The following RALGPS1 variants were observed in gnomAD, a reference collection of about 807,000 sequenced individuals.
RALGPS1 encodes Ral GEF with PH domain and SH3 binding motif 1, also known as ras-specific guanine nucleotide-releasing factor RalGPS1.
RALGPS1 carries 19 observed loss-of-function variants against 78.8 expected under a neutral mutation model. That is an observed-to-expected ratio of 0.24 (90% CI 0.17 to 0.35). The LOEUF is 0.35. RALGPS1 is among the 10% of genes least tolerant of loss of function. The pLI, the probability that RALGPS1 is intolerant of heterozygous loss-of-function variation, is 1.00. For missense variants in RALGPS1, 454 were observed against 688.3 expected (o/e 0.66, Z 3.81); for synonymous variants, 228 against 256.3 (o/e 0.89, Z 1.06).
chr9:127,178,579 C>T (rs147754096), intron 11 of RALGPS1: 6 of 809,806 alleles, frequency 7.4e-6, no homozygotes, highest in South Asian at 5.6e-5. Flanking sequence ...ATCACTGCCT[C>T]GGGGAAGCCT....
chr9:126,924,128 G>A (rs2035035147), intron 1 of RALGPS1, among the ~76,000 whole-genome samples: 1 of 152,196 alleles, frequency 6.6e-6, no homozygotes, highest in Non-Finnish European at 1.5e-5. Context: ...CAAATCCCAT[G>A]AACTGGAACA....
At chr9:127,093,620 TG>T in intron 8 of RALGPS1, 1 of 1,329,908 alleles carries the variant, frequency 7.5e-7, no homozygotes, top group Non-Finnish European at 1.0e-6. Flanking sequence ...CGCACAGGCC[TG>T]GGCTTGGTCA....
At chr9:127,054,996 TGAGAGAGAGAGAGAGAGAGAGAGAGAGA>T (rs10555826) in intron 7 of RALGPS1, among the ~76,000 whole-genome samples, 6 of 139,114 alleles carry the variant, frequency 4.3e-5, no homozygotes, top group African/African-American at 1.7e-4. Context: ...AGAGATTGAT[TGAGAGAGAGAGAGAGAGAGAGAGAGAGA>T]GAGAGAGAGA....
intron 7 of RALGPS1, among the ~76,000 whole-genome samples, chr9:127,063,987 A>G (rs1361744698): frequency 6.6e-6 from 1 of 152,238 alleles, no homozygotes; most frequent in Non-Finnish European, 1.5e-5. Context: ...TGCAGGGAAC[A>G]GTAGAGTGGA....
At chr9:127,084,218 G>C (rs1411950198) in intron 8 of RALGPS1, among the ~76,000 whole-genome samples, 1 of 152,122 alleles carries the variant, frequency 6.6e-6, no homozygotes, top group Non-Finnish European at 1.5e-5. Flanking sequence ...CACAGCACCT[G>C]GCTGACACGC....
At chr9:127,117,152 C>T in intron 8 of RALGPS1, among the ~76,000 whole-genome samples, 1 of 152,246 alleles carries the variant, frequency 6.6e-6, no homozygotes, top group Non-Finnish European at 1.5e-5. Context: ...TGGCTGATGC[C>T]TGCCTGTCTT....
chr9:127,013,419 G>A (rs558305164), intron 4 of RALGPS1, among the ~76,000 whole-genome samples: 3 of 152,072 alleles, frequency 2.0e-5, no homozygotes, highest in South Asian at 2.1e-4. Context: ...GCTGTGGTAC[G>A]CACCCCTGGA....
intron 8 of RALGPS1, among the ~76,000 whole-genome samples, chr9:127,107,535 G>T (rs548838123): frequency 5.9e-5 from 9 of 152,254 alleles, no homozygotes; most frequent in Non-Finnish European, 8.8e-5. Flanking sequence ...ATTTACAGAA[G>T]GCCAACCCTG....
intron 8 of RALGPS1, among the ~76,000 whole-genome samples, chr9:127,148,857 G>A (rs903775033): frequency 6.6e-6 from 1 of 152,248 alleles, no homozygotes; most frequent in Admixed American, 6.5e-5. Context: ...GGAACAGAAT[G>A]TGGGGATGGC....
intron 1 of RALGPS1, among the ~76,000 whole-genome samples, chr9:126,927,036 TG>T (rs1473678172): frequency 6.6e-6 from 1 of 152,172 alleles, no homozygotes; most frequent in Non-Finnish European, 1.5e-5. Flanking sequence ...ACTTGGTGAC[TG>T]GCCTGCTAAT....
At chr9:126,999,077 T>G in intron 4 of RALGPS1, among the ~76,000 whole-genome samples, 1 of 147,086 alleles carries the variant, frequency 6.8e-6, no homozygotes, top group Non-Finnish European at 1.5e-5. Context: ...AAATGACGAG[T>G]TAATGGGTGC....
At chr9:127,098,295 C>T (rs779104631) in intron 8 of RALGPS1, among the ~76,000 whole-genome samples, 6 of 152,208 alleles carry the variant, frequency 3.9e-5, no homozygotes, top group Non-Finnish European at 5.9e-5. Context: ...GAGTACCTAG[C>T]GGTGTTTAAC....
At chr9:127,215,876 A>C (rs1021436427) in intron 18 of RALGPS1, among the ~76,000 whole-genome samples, 7 of 152,214 alleles carry the variant, frequency 4.6e-5, no homozygotes, top group African/African-American at 1.4e-4. Flanking sequence ...GGGAAGCAGG[A>C]GTCCTCTCCT....
At chr9:126,964,515 T>G (rs1490941046) in intron 2 of RALGPS1, among the ~76,000 whole-genome samples, 1 of 152,176 alleles carries the variant, frequency 6.6e-6, no homozygotes, top group Non-Finnish European at 1.5e-5. Flanking sequence ...AGGTTTAATA[T>G]CACCATTTTA....
chr9:126,987,009 A>G (rs1339317404), intron 4 of RALGPS1, among the ~76,000 whole-genome samples: 1 of 152,180 alleles, frequency 6.6e-6, no homozygotes, highest in Non-Finnish European at 1.5e-5. Context: ...CTATCATTTC[A>G]CCAATGTATA....
At chr9:127,206,617 G>A (rs946005789) in intron 14 of RALGPS1, among the ~76,000 whole-genome samples, 1 of 152,114 alleles carries the variant, frequency 6.6e-6, no homozygotes, top group African/African-American at 2.4e-5. Context: ...AATTCAAGAT[G>A]AGATTTGGGT....
chr9:127,067,142 AGAT>A (rs1388741798), intron 7 of RALGPS1, among the ~76,000 whole-genome samples: 1 of 152,200 alleles, frequency 6.6e-6, no homozygotes, highest in Admixed American at 6.5e-5. Context: ...TGTGAAGATT[AGAT>A]GAGTTATATA....
intron 8 of RALGPS1, among the ~76,000 whole-genome samples, chr9:127,110,761 A>T (rs2054723165): frequency 6.6e-6 from 1 of 152,042 alleles, no homozygotes; most frequent in Admixed American, 6.6e-5. Flanking sequence ...TTCATACCCC[A>T]CATCTAATTC....
intron 11 of RALGPS1, among the ~76,000 whole-genome samples, chr9:127,188,124 C>T (rs980309752): frequency 6.4e-5 from 9 of 140,756 alleles, no homozygotes; most frequent in African/African-American, 2.4e-4. Flanking sequence ...TGCAGTGGCG[C>T]GATCTAGGCT....
Sources: allele counts gnomAD v4.1 joint callset (sites outside exome capture counted in the v4.1 genomes callset), GRCh38; gene constraint gnomAD v4.1.1; transcripts MANE v1.5; gene names NCBI Gene and HGNC (gene_info 2026-07-23, HGNC 2026-07-21).